Variants in PTPRN2 observed in about 807,000 individuals in gnomAD.
PTPRN2 encodes protein tyrosine phosphatase receptor type N2.
In PTPRN2, 74 loss-of-function variants were observed where a neutral mutation model predicts 118.8. The observed-to-expected ratio is 0.62, with a 90% CI of 0.52 to 0.76. The LOEUF is 0.76. Among genes scored for constraint, PTPRN2 ranks in the 30% least tolerant of loss-of-function variants. PTPRN2 has a pLI of 0.00. For synonymous variants in PTPRN2, 641 were observed against 608.0 expected, an observed-to-expected ratio of 1.05 and a Z score of -0.80; for missense variants, 1,481 against 1,394.4, an observed-to-expected ratio of 1.06 and a Z score of -0.99.
chr7:158,395,210 A>C (rs1247924486), intron 2 of PTPRN2, among the ~76,000 whole-genome samples: 1 of 147,368 alleles, frequency 6.8e-6, no homozygotes, highest in Non-Finnish European at 1.5e-5. Context: ...CACGGCCGCT[A>C]GATGGCACGC....
chr7:157,556,214 C>T (rs1367110292), intron 21 of PTPRN2, among the ~76,000 whole-genome samples: 2 of 152,142 alleles, frequency 1.3e-5, no homozygotes, highest in Non-Finnish European at 2.9e-5. Flanking sequence ...GATACATGTA[C>T]ATGGGTACAC....
At chr7:158,139,468 C>T (rs573937286) in intron 6 of PTPRN2, among the ~76,000 whole-genome samples, 160 of 152,050 alleles carry the variant, frequency 1.1e-3, no homozygotes, top group African/African-American at 3.5e-3. Flanking sequence ...CTGGGGCATC[C>T]AAGCCGTCGG....
rs555121166 is a variant in PTPRN2 at position 157,955,753 on chromosome 7, G to A, written c.1724-57016C>T. ...CAGGGTGCTAGGGCGGACACCCTGCGGGGTTTGCCTGGGCTCTGCATTCCC... is the reference window on the plus strand; with the variant it reads ...CAGGGTGCTAGGGCGGACACCCTGCAGGGTTTGCCTGGGCTCTGCATTCCC... On this transcript the variant is annotated intron_variant, in intron 11 of 22. Coordinates refer to ENST00000389418, the MANE Select transcript of PTPRN2 (RefSeq NM_002847.5). 1.5e-3 allele frequency among the ~76,000 whole-genome samples: 223 copies of A among 152,316 alleles called. 9 individuals are homozygous for A. In the South Asian group the frequency reaches 0.044, roughly 30 times the overall value.
intron 3 of PTPRN2, among the ~76,000 whole-genome samples, chr7:158,272,708 C>T (rs1798595767): frequency 6.6e-6 from 1 of 152,146 alleles, no homozygotes; most frequent in Non-Finnish European, 1.5e-5. Flanking sequence ...CGGGATAAGC[C>T]CTCAGGATGG....
At chr7:158,157,960 C>T (rs1821985368) in intron 6 of PTPRN2, among the ~76,000 whole-genome samples, 1 of 152,192 alleles carries the variant, frequency 6.6e-6, no homozygotes, top group Non-Finnish European at 1.5e-5. Context: ...CAGCCAGGGG[C>T]ATGGATCCGA....
intron 7 of PTPRN2, among the ~76,000 whole-genome samples, chr7:158,137,613 G>A (rs1818946226): frequency 6.6e-6 from 1 of 151,980 alleles, no homozygotes; most frequent in Admixed American, 6.6e-5. Context: ...CTCCCGGGGT[G>A]CAGTTCCACT....
chr7:158,108,298 C>A (rs2150361997), intron 10 of PTPRN2, among the ~76,000 whole-genome samples: 1 of 152,210 alleles, frequency 6.6e-6, no homozygotes, highest in East Asian at 1.9e-4. Context: ...GCCACCACAC[C>A]CGCCTTGCAC....
At chr7:158,166,699 C>A (rs1474842094) in intron 6 of PTPRN2, among the ~76,000 whole-genome samples, 4 of 152,220 alleles carry the variant, frequency 2.6e-5, no homozygotes, top group African/African-American at 9.6e-5. Flanking sequence ...CCGCCTCTCA[C>A]TGGCCACTGC....
intron 1 of PTPRN2, among the ~76,000 whole-genome samples, chr7:158,575,906 T>C (rs1018250910): frequency 6.6e-6 from 1 of 152,228 alleles, no homozygotes; most frequent in Non-Finnish European, 1.5e-5. Context: ...GATTGTTTTA[T>C]AGAAAACTAA....
intron 3 of PTPRN2, among the ~76,000 whole-genome samples, chr7:158,289,717 G>T (rs1799983598): frequency 6.6e-6 from 1 of 152,060 alleles, no homozygotes; most frequent in Non-Finnish European, 1.5e-5. Context: ...GTGTCTCCTT[G>T]GTTTTTCATG....
chr7:157,965,953 G>A (rs1051786610), intron 11 of PTPRN2, among the ~76,000 whole-genome samples: 6 of 152,154 alleles, frequency 3.9e-5, no homozygotes, highest in Admixed American at 6.5e-5. Context: ...GACCAGCACC[G>A]TGGAATCAGC....
chr7:158,425,025 G>T (rs1815593788), intron 2 of PTPRN2, among the ~76,000 whole-genome samples: 1 of 152,246 alleles, frequency 6.6e-6, no homozygotes, highest in Non-Finnish European at 1.5e-5. Flanking sequence ...ACCATCAGGT[G>T]ACTGTCGGTA....
At chr7:158,073,734 T>C (rs929970926) in intron 11 of PTPRN2, among the ~76,000 whole-genome samples, 3 of 151,522 alleles carry the variant, frequency 2.0e-5, no homozygotes, top group Middle Eastern at 3.2e-3. Context: ...TATTCAGAGG[T>C]GAGGGAAAGA....
intron 1 of PTPRN2, among the ~76,000 whole-genome samples, chr7:158,499,843 A>ATG (rs35315549): frequency 0.42 from 61,535 of 147,380 alleles, 13,686 homozygotes; most frequent in East Asian, 0.65. Context: ...CAGTGTGTGT[A>ATG]TGTGTGTGTG....
chr7:157,640,109 G>A (rs1158756909), intron 14 of PTPRN2, among the ~76,000 whole-genome samples: 1 of 152,176 alleles, frequency 6.6e-6, no homozygotes, highest in Non-Finnish European at 1.5e-5. Flanking sequence ...AAACATCAAA[G>A]AGCAGGCTTA....
At chr7:157,723,985 G>T (rs1172313029) in intron 12 of PTPRN2, among the ~76,000 whole-genome samples, 2 of 152,182 alleles carry the variant, frequency 1.3e-5, no homozygotes, top group Admixed American at 6.5e-5. Context: ...TAGAATTTAG[G>T]CTTCCCCCGT....
chr7:158,152,125 G>T (rs1249791592), intron 6 of PTPRN2, among the ~76,000 whole-genome samples: 1 of 135,974 alleles, frequency 7.4e-6, no homozygotes, highest in Non-Finnish European at 1.5e-5. Flanking sequence ...AGTGAGCCGA[G>T]ATCACGCCAC....
intron 1 of PTPRN2, among the ~76,000 whole-genome samples, chr7:158,584,606 G>A (rs758589360): frequency 7.2e-5 from 11 of 152,150 alleles, no homozygotes; most frequent in Non-Finnish European, 1.5e-4. Context: ...GAGCCCTTCC[G>A]ACCAGAAAGG....
In PTPRN2 at chr7:157,846,599, C is replaced by A. The variant is rs574835812; in HGVS notation, c.1788+52074G>T. On this transcript the variant is annotated intron_variant, in intron 12 of 22. Coordinates refer to ENST00000389418, the MANE Select transcript of PTPRN2 (RefSeq NM_002847.5). Reference sequence around the variant, plus strand: ...TGCCTGCTGCTGTCTGAGAGAAAATCGTGTCATGGATCATCATCCCTGTGC... The same window carrying A: ...TGCCTGCTGCTGTCTGAGAGAAAATAGTGTCATGGATCATCATCCCTGTGC... Among the ~76,000 whole-genome samples, 3 of 152,338 alleles carry A rather than the reference C, an allele frequency of 2.0e-5. No individual in the cohort carries two copies. In the South Asian group the frequency reaches 6.2e-4, roughly 32 times the overall value.
Sources: gnomAD v4.1 joint callset for allele counts (sites outside exome capture counted in the v4.1 genomes callset) on GRCh38, gnomAD v4.1.1 for gene constraint, MANE v1.5 for transcripts, NCBI Gene and HGNC (gene_info 2026-07-23, HGNC 2026-07-21) for gene names.